The following EFL1 variants were observed in gnomAD, a reference collection of about 807,000 sequenced individuals.
The protein encoded by EFL1 is elongation factor-like GTPase 1.
Under a neutral mutation model 126.7 loss-of-function variants are expected in EFL1, and 76 were observed. The observed-to-expected ratio is 0.60, with a 90% CI of 0.50 to 0.73. The LOEUF (loss-of-function observed/expected upper bound fraction) is 0.73, where lower values mean the gene tolerates loss of function less well. Among genes scored for constraint, EFL1 ranks in the 30% least tolerant of loss-of-function variants. The pLI is 0.00. For synonymous variants in EFL1, 410 were observed against 448.4 expected (o/e 0.91, Z 1.08); for missense variants, 1,128 against 1,343.2 (o/e 0.84, Z 2.50).
intron 18 of EFL1, among the ~76,000 whole-genome samples, chr15:82,140,391 T>C (rs2073773427): frequency 6.6e-6 from 1 of 152,210 alleles, no homozygotes; most frequent in South Asian, 2.1e-4. Context: ...TACTGATTAA[T>C]GTCTACTCTG....
intron 7 of EFL1, among the ~76,000 whole-genome samples, 156 bp downstream of exon 7, chr15:82,238,151 A>T (rs2141323946): frequency 6.6e-6 from 1 of 152,302 alleles, no homozygotes; most frequent in Admixed American, 6.5e-5. Flanking sequence ...CATGGATAGG[A>T]GGCAGTTACT....
chr15:82,234,426 C>T (rs2074852281), intron 7 of EFL1, among the ~76,000 whole-genome samples: 1 of 152,158 alleles, frequency 6.6e-6, no homozygotes. Context: ...AGTACAAATT[C>T]TCAGCAGGTT....
At chr15:82,248,220 A>C (rs1425744150) in intron 4 of EFL1, among the ~76,000 whole-genome samples, 1 of 152,082 alleles carries the variant, frequency 6.6e-6, no homozygotes, top group African/African-American at 2.4e-5. Context: ...TCAACTGAAT[A>C]CTTCACAAAG....
intron 17 of EFL1, among the ~76,000 whole-genome samples, chr15:82,155,541 G>A (rs561624453): frequency 7.2e-5 from 11 of 152,146 alleles, no homozygotes; most frequent in East Asian, 3.9e-4. Context: ...GTTGCTATGC[G>A]TATTCTTGAT....
chr15:82,131,993 A>G (rs2073653169), intron 19 of EFL1, among the ~76,000 whole-genome samples: 1 of 152,242 alleles, frequency 6.6e-6, no homozygotes, highest in Admixed American at 6.5e-5. Flanking sequence ...AAACCAAAAA[A>G]CAGAGAACAG....
intron 4 of EFL1, among the ~76,000 whole-genome samples, chr15:82,246,415 A>G (rs111380083): frequency 3.9e-4 from 59 of 152,236 alleles, no homozygotes; most frequent in Non-Finnish European, 7.5e-4. Flanking sequence ...TAGATCAAGG[A>G]CCAATTTCAC....
intron 15 of EFL1, among the ~76,000 whole-genome samples, chr15:82,169,804 A>G (rs537149865): frequency 1.5e-4 from 23 of 152,318 alleles, no homozygotes; most frequent in African/African-American, 5.3e-4. Flanking sequence ...CAATGAGTTC[A>G]GTTTTAACGG....
At chr15:82,230,495 G>A (rs1250287208) in intron 8 of EFL1, among the ~76,000 whole-genome samples, 1 of 151,996 alleles carries the variant, frequency 6.6e-6, no homozygotes, top group East Asian at 1.9e-4. Context: ...AACCATACAG[G>A]GATGTCTAGA....
intron 15 of EFL1, among the ~76,000 whole-genome samples, chr15:82,171,021 G>A (rs1163570158): frequency 2.0e-5 from 3 of 152,114 alleles, no homozygotes; most frequent in East Asian, 1.9e-4. Flanking sequence ...GAAGAGATAC[G>A]GCTTTACACA....
intron 15 of EFL1, among the ~76,000 whole-genome samples, chr15:82,211,544 CTA>C (rs1390145030): frequency 0.012 from 829 of 70,392 alleles, 42 homozygotes; most frequent in Non-Finnish European, 0.013. Flanking sequence ...AAAAAAAAAT[CTA>C]TATACACACA....
At chr15:82,182,987 G>A (rs1299644195) in intron 15 of EFL1, among the ~76,000 whole-genome samples, 2 of 152,118 alleles carry the variant, frequency 1.3e-5, no homozygotes, top group African/African-American at 2.4e-5. Context: ...TGGTACTGGG[G>A]CATTTTTAGA....
rs1311728612 is a variant in EFL1, at chr15:82,130,575, A to T, written c.3175-14T>A. Reference sequence around the variant, plus strand: ...ACTGGGAATGATCTTGTAAAAGAAGATGACAGAATGTGCAAGGTTAGGCAT... The same window carrying T: ...ACTGGGAATGATCTTGTAAAAGAAGTTGACAGAATGTGCAAGGTTAGGCAT... On this transcript the variant is annotated splice_polypyrimidine_tract_variant and intron_variant, in intron 19 of 19. Transcript: ENST00000268206. 1.2e-6 allele frequency: 2 copies of T among 1,612,462 alleles called. No homozygotes were observed. Among genetic ancestry groups the T allele is most frequent in the African/African-American group, 1.3e-5 (1 of 74,870 alleles).
intron 15 of EFL1, among the ~76,000 whole-genome samples, chr15:82,203,132 A>G (rs181866087): frequency 1.7e-4 from 26 of 152,210 alleles, no homozygotes; most frequent in Admixed American, 9.8e-4. Context: ...TTTTTGAAGA[A>G]AAAACTCGTT....
At chr15:82,196,339 G>A (rs866498282) in intron 15 of EFL1, among the ~76,000 whole-genome samples, 6 of 152,162 alleles carry the variant, frequency 3.9e-5, no homozygotes, top group Non-Finnish European at 8.8e-5. Context: ...GCCTCTCTGT[G>A]AGTCTCAGAT....
intron 14 of EFL1, among the ~76,000 whole-genome samples, chr15:82,216,892 T>C (rs975806366): frequency 6.6e-6 from 1 of 152,034 alleles, no homozygotes; most frequent in Non-Finnish European, 1.5e-5. Flanking sequence ...AAACAAGTTC[T>C]ACACTGGAGA....
At chr15:82,135,885 G>GGGAGCTAAGTGTTGAGAAAGGCA (rs2073716054) in intron 19 of EFL1, among the ~76,000 whole-genome samples, 1 of 152,184 alleles carries the variant, frequency 6.6e-6, no homozygotes, top group Non-Finnish European at 1.5e-5. Flanking sequence ...GACAATCAGT[G>GGGAGCTAAGTGTTGAGAAAGGCA]GGAGCTAAGT....
intron 14 of EFL1, among the ~76,000 whole-genome samples, chr15:82,217,292 T>C (rs373795579): frequency 5.0e-5 from 7 of 140,374 alleles, no homozygotes; most frequent in East Asian, 2.1e-4. Flanking sequence ...AACTCCACTA[T>C]AGGTATATTC....
chr15:82,138,683 G>A lies in EFL1; in HGVS notation c.3149C>T (p.Pro1050Leu), dbSNP rs1192702455. 2 of 1,613,716 alleles carry A rather than the reference G, an allele frequency of 1.2e-6. No individual in the cohort carries two copies. Among genetic ancestry groups the A allele is most frequent in the African/African-American group, 2.7e-5 (2 of 74,904 alleles). ...IRKRTSGLAS[P>L]QLVFSHWEII... ...CTCCCAATGGCTGAATACTAGTTGT[G>A]GGCTGGCCAGGCCACTTGTCCTCTT... is the stretch of plus-strand genomic sequence containing the variant. Residue 1050 changes from proline (P) to leucine (L), a missense_variant, in exon 19 of 20, where the codon CCA becomes CTA. Physicochemically the swap from Pro to Leu is moderately conservative, Grantham distance 98. Coordinates refer to ENST00000268206, the MANE Select transcript of EFL1 (RefSeq NM_024580.6).
At chr15:82,181,736 T>C (rs909164131) in intron 15 of EFL1, among the ~76,000 whole-genome samples, 18 of 152,090 alleles carry the variant, frequency 1.2e-4, no homozygotes, top group African/African-American at 4.3e-4. Flanking sequence ...TGTGCCTCCA[T>C]CCCTCAGGCT....
Sources: gnomAD v4.1 joint callset for allele counts (sites outside exome capture counted in the v4.1 genomes callset) on GRCh38, gnomAD v4.1.1 for gene constraint, MANE v1.5 for transcripts, NCBI Gene and HGNC (gene_info 2026-07-23, HGNC 2026-07-21) for gene names.